WDPCP: variants seen among roughly 807,000 people sequenced by gnomAD.
WDPCP encodes WD repeat containing planar cell polarity effector, also known as WD repeat-containing and planar cell polarity effector protein fritz homolog.
In WDPCP, 71 loss-of-function variants were observed where a neutral mutation model predicts 93.1. That is an observed-to-expected ratio of 0.76 (90% confidence interval 0.63 to 0.93). WDPCP has a LOEUF of 0.93. Among genes scored for constraint, WDPCP ranks in the 40% least tolerant of loss-of-function variants. The pLI, the probability that WDPCP is intolerant of heterozygous loss-of-function variation, is 0.00. For missense variants in WDPCP, 844 were observed against 887.4 expected (o/e 0.95, Z 0.62); for synonymous variants, 315 against 315.0 (o/e 1.00, Z 0.00).
intron 6 of WDPCP, chr2:63,440,859 C>G (rs1243709054): frequency 6.6e-6 from 1 of 152,524 alleles, no homozygotes; most frequent in African/African-American, 2.4e-5. Context: ...GAATCCCCCA[C>G]CCACCTAGGC....
chr2:63,607,487 G>C (rs1298624930), intron 3 of WDPCP, among the ~76,000 whole-genome samples: 1 of 151,688 alleles, frequency 6.6e-6, no homozygotes, highest in Non-Finnish European at 1.5e-5. Context: ...AGTGAGCCAA[G>C]ATTGCGCCAC....
chr2:63,532,668 T>C (rs1045759737), intron 1 of WDPCP, among the ~76,000 whole-genome samples: 4 of 152,164 alleles, frequency 2.6e-5, no homozygotes, highest in African/African-American at 4.8e-5. Context: ...CTGAGAGATT[T>C]TGTCACCACC....
intron 2 of WDPCP, among the ~76,000 whole-genome samples, chr2:63,716,706 G>A (rs1422319681): frequency 1.3e-5 from 2 of 152,126 alleles, no homozygotes; most frequent in African/African-American, 4.8e-5. Context: ...TTGATGCACT[G>A]CCCCATGAGG....
At chr2:63,394,775 A>C (rs1386215128) in intron 10 of WDPCP, among the ~76,000 whole-genome samples, 1 of 152,178 alleles carries the variant, frequency 6.6e-6, no homozygotes, top group Non-Finnish European at 1.5e-5. Flanking sequence ...TCCTAAATGA[A>C]ATAACACAGG....
intron 13 of WDPCP, among the ~76,000 whole-genome samples, chr2:63,292,132 C>CAAAAAAAAAAAAAAAA (rs58370764): frequency 8.4e-5 from 7 of 83,348 alleles, no homozygotes; most frequent in African/African-American, 1.4e-4. Context: ...GACTCCGGCT[C>CAAAAAAAAAAAAAAAA]AAAAAAAAAA....
intron 9 of WDPCP, among the ~76,000 whole-genome samples, chr2:63,420,387 A>G (rs967165362): frequency 1.4e-5 from 2 of 144,052 alleles, no homozygotes; most frequent in Non-Finnish European, 3.0e-5. Context: ...CAGAAAAATT[A>G]GCCGGCTATG....
chr2:63,147,164 C>G (rs1019420609), intron 17 of WDPCP, among the ~76,000 whole-genome samples: 4 of 152,046 alleles, frequency 2.6e-5, no homozygotes, highest in African/African-American at 9.7e-5. Flanking sequence ...GTCTTATACA[C>G]CATGATAAGG....
intron 1 of WDPCP, among the ~76,000 whole-genome samples, chr2:63,587,901 C>A (rs1575711154): frequency 6.6e-6 from 1 of 152,358 alleles, no homozygotes; most frequent in African/African-American, 2.4e-5. Flanking sequence ...AAATTAGAAC[C>A]GTATACTGTG....
At chr2:63,180,199 C>CT (rs1374124924) in intron 14 of WDPCP, among the ~76,000 whole-genome samples, 2 of 151,932 alleles carry the variant, frequency 1.3e-5, no homozygotes, top group Non-Finnish European at 1.5e-5. Flanking sequence ...ACCTCTATTA[C>CT]TTTTTTTTGG....
intron 6 of WDPCP, among the ~76,000 whole-genome samples, chr2:63,459,919 A>G (rs1238823892): frequency 6.6e-6 from 1 of 152,164 alleles, no homozygotes; most frequent in Non-Finnish European, 1.5e-5. Context: ...TCTGTCTCAA[A>G]AAAAGAAGAA....
At chr2:63,302,545 A>G (rs911259242) in intron 13 of WDPCP, among the ~76,000 whole-genome samples, 2 of 152,196 alleles carry the variant, frequency 1.3e-5, no homozygotes, top group African/African-American at 4.8e-5. Context: ...AGCTAGGAGG[A>G]AGGGAACCCA....
intron 2 of WDPCP, among the ~76,000 whole-genome samples, chr2:63,807,928 T>C (rs940248812): frequency 2.0e-5 from 3 of 152,218 alleles, no homozygotes; most frequent in African/African-American, 7.2e-5. Context: ...AGTTTACAAG[T>C]ATCTTATGGA....
At chr2:63,222,947 A>G (rs1036427627) in intron 14 of WDPCP, among the ~76,000 whole-genome samples, 2 of 152,108 alleles carry the variant, frequency 1.3e-5, no homozygotes, top group African/African-American at 4.8e-5. Flanking sequence ...AAAGGGGGAA[A>G]AGGTCTAAGA....
chr2:63,334,830 T>TA (rs59710243), intron 12 of WDPCP, among the ~76,000 whole-genome samples: 121,810 of 152,086 alleles, frequency 0.8, 49,654 homozygotes, highest in East Asian at 0.96. Context: ...ATAGGACAGA[T>TA]ACAAAGATTT....
chr2:63,409,148 C>T (rs1416004680), intron 9 of WDPCP, among the ~76,000 whole-genome samples: 1 of 152,206 alleles, frequency 6.6e-6, no homozygotes, highest in Non-Finnish European at 1.5e-5. Flanking sequence ...AAGTCCACTG[C>T]ATCCCCCACC....
intron 14 of WDPCP, among the ~76,000 whole-genome samples, chr2:63,201,619 T>A (rs1031164874): frequency 6.6e-6 from 1 of 152,184 alleles, no homozygotes; most frequent in Admixed American, 6.5e-5. Flanking sequence ...GTAATCTGAT[T>A]TTTACAGGTT....
At chr2:63,740,213 T>C (rs938270021) in intron 2 of WDPCP, among the ~76,000 whole-genome samples, 4 of 152,152 alleles carry the variant, frequency 2.6e-5, no homozygotes, top group African/African-American at 9.6e-5. Context: ...TGGGGTAGAA[T>C]TGCTGAGTCA....
At chr2:63,461,377 C>G (rs1698996773) in intron 6 of WDPCP, among the ~76,000 whole-genome samples, 2 of 152,132 alleles carry the variant, frequency 1.3e-5, no homozygotes, top group Admixed American at 1.3e-4. Context: ...CTCTCTCTTG[C>G]TCTAGCTCCT....
At chr2:63,435,523 G>A (rs1300561171) in intron 8 of WDPCP, among the ~76,000 whole-genome samples, 1 of 152,054 alleles carries the variant, frequency 6.6e-6, no homozygotes, top group Non-Finnish European at 1.5e-5. Context: ...CTGATTTGCT[G>A]CATAAGTGTG....
Sources: allele counts gnomAD v4.1 joint callset (sites outside exome capture counted in the v4.1 genomes callset), GRCh38; gene constraint gnomAD v4.1.1; transcripts MANE v1.5; gene names NCBI Gene and HGNC (gene_info 2026-07-23, HGNC 2026-07-21).